Variants in BAG6 observed in about 807,000 individuals in gnomAD.
BAG6 encodes the protein BAG cochaperone 6.
Under a neutral mutation model 121.0 loss-of-function variants are expected in BAG6, and 22 were observed. The ratio of observed to expected loss-of-function variants is 0.18; its 90% CI spans 0.13 to 0.26. The LOEUF is 0.26. BAG6 is among the 10% of genes least tolerant of loss of function. The probability of loss-of-function intolerance (pLI) is 1.00; values close to 1 mark genes in which losing one functional copy is unlikely to be tolerated. For missense variants in BAG6, 1,233 were observed against 1,537.7 expected (o/e 0.80, Z 3.31); for synonymous variants, 583 against 584.6 (o/e 1.00, Z 0.04).
At chr6:31,645,703 C>T in intron 8 of BAG6, 99 bp from the exon 9 acceptor site, 1 of 1,424,644 alleles carries the variant, frequency 7.0e-7, no homozygotes, top group Non-Finnish European at 9.6e-7. Context: ...ACCATGTCCT[C>T]CAAAACTTTC....
At position 31,639,049 on chromosome 6, in the gene BAG6, A is replaced by AATCCG; in HGVS notation, c.*77_*81dup. On this transcript the variant is annotated 3_prime_UTR_variant, in exon 26 of 26. Transcript: ENST00000676615. ...AATGTAGAGAGAAAGCAGCCAGAAA[A>AATCCG]ATCCGACTTTTATTTCTTAAATACT... 8.2e-7 allele frequency: 1 copy of AATCCG among 1,220,218 alleles called. No homozygotes were observed. The highest frequency in any genetic ancestry group is 1.5e-5 in the African/African-American group (1 of 64,926). 75.6% of individuals were successfully genotyped at this position (1,220,218 alleles called of 1,614,324 possible).
chr6:31,639,257 ACGC>A (rs1779688808), intron 25 of BAG6, 31 bp from the exon 26 acceptor site: 1 of 1,594,006 alleles, frequency 6.3e-7, no homozygotes, highest in African/African-American at 1.3e-5. Context: ...GGTTGGAGAA[ACGC>A]TGGCCAAGTC....
At chr6:31,642,515 TAC>T in intron 15 of BAG6, 112 bp from the exon 16 acceptor site, 2 of 647,718 alleles carry the variant, frequency 3.1e-6, no homozygotes, top group South Asian at 3.8e-5. Flanking sequence ...GATGGGGAGT[TAC>T]ATTCTGATCT....
At chr6:31,639,994 G>A (rs1175857447) in intron 24 of BAG6, among the ~76,000 whole-genome samples, 1 of 152,170 alleles carries the variant, frequency 6.6e-6, no homozygotes, top group East Asian at 1.9e-4. Context: ...ACTAATACAG[G>A]ACTGCTAGCA....
intron 6 of BAG6, 98 bp from the exon 7 acceptor site, chr6:31,647,924 C>A (rs1791646549): frequency 2.1e-6 from 3 of 1,401,354 alleles, no homozygotes; most frequent in South Asian, 1.8e-5. Flanking sequence ...CCTAACTAGA[C>A]TCCCTGAAGG....
At chr6:31,646,768 T>G (rs13214715) in intron 7 of BAG6, among the ~76,000 whole-genome samples, 13 of 55,696 alleles carry the variant, frequency 2.3e-4, no homozygotes, top group African/African-American at 1.3e-3. Context: ...TAATTTTTGT[T>G]TTTTTTTTTT....
At chr6:31,649,664 G>A (rs1167658845) in intron 2 of BAG6, 37 bp from the exon 3 acceptor site, 4 of 1,564,564 alleles carry the variant, frequency 2.6e-6, no homozygotes, top group South Asian at 1.1e-5. Flanking sequence ...TGGAAAGAAT[G>A]GAGGAAAGAG....
chr6:31,641,905 G>T lies in BAG6; in HGVS notation c.2376C>A (p.Phe792Leu). ...GAAGCATCACTACGTCCACCATAGA[G>T]AAGTTCTGGCACAGAAGAGAAAGCA... The part of the protein sequence containing the change: ...GALLSLLCQN[F>L]SMVDVVMLLH... Residue 792 changes from phenylalanine (F) to leucine (L), a missense_variant, in exon 17 of 26, where the codon TTC becomes TTA. Physicochemically the swap from Phe to Leu is conservative, Grantham distance 22. Transcript: ENST00000676615. The surrounding 1 kb of genome is among the most constrained non-coding windows in gnomAD (Gnocchi z 5.7). 15 of 1,613,012 alleles carry T rather than the reference G, an allele frequency of 9.3e-6. No homozygotes were observed. The highest frequency in any genetic ancestry group is 1.2e-5 in the Non-Finnish European group (14 of 1,180,020).
chr6:31,648,041 A>C (rs1214175585), intron 6 of BAG6, among the ~76,000 whole-genome samples: 2 of 149,210 alleles, frequency 1.3e-5, no homozygotes, highest in Non-Finnish European at 3.0e-5. Context: ...TTTGAGACAG[A>C]GTCTCGCTCT....
intron 6 of BAG6, among the ~76,000 whole-genome samples, chr6:31,648,391 T>C (rs79972992): frequency 7.2e-6 from 1 of 138,998 alleles, no homozygotes; most frequent in African/African-American, 3.0e-5. Flanking sequence ...CACAAGTTGG[T>C]TTCCCAGCCT....
At chr6:31,645,698 G>C (rs1319092956) in intron 8 of BAG6, 94 bp from the exon 9 acceptor site, 10 of 1,456,726 alleles carry the variant, frequency 6.9e-6, no homozygotes, top group Non-Finnish European at 9.4e-6. Context: ...AGAATACCAT[G>C]TCCTCCAAAA....
chr6:31,645,385 G>C (rs1028911106), intron 9 of BAG6, 22 bp downstream of exon 9: 2 of 1,612,826 alleles, frequency 1.2e-6, no homozygotes, highest in African/African-American at 1.3e-5. Context: ...CTCTCCCTCA[G>C]GCCAGACTCC....
At position 31,641,578 on chromosome 6, in the gene BAG6, T is replaced by A; in HGVS notation, c.2520A>T (p.Thr840=). 6.2e-7 allele frequency: 1 copy of A among 1,613,998 alleles called. No homozygotes were observed. Among genetic ancestry groups the A allele is most frequent in the Admixed American group, 1.7e-5 (1 of 60,004 alleles). Residue 840 remains threonine (T), a synonymous_variant, in exon 18 of 26, where the codon ACA becomes ACT. Coordinates refer to ENST00000676615, the MANE Select transcript of BAG6 (RefSeq NM_001387994.1). This position sits in a 1 kb window ranked among gnomAD's most constrained non-coding sequence, Gnocchi z 5.7. The part of the protein sequence containing the change: ...TPSNIRMATH[T]LITGLEEYVR... ...CATACTCTTCTAGCCCCGTGATCAATGTGTGGGTTGCCATCTGTGGAGGAA... is the reference window on the plus strand; with the variant it reads ...CATACTCTTCTAGCCCCGTGATCAAAGTGTGGGTTGCCATCTGTGGAGGAA...
chr6:31,648,246 C>T (rs138001096), intron 6 of BAG6, among the ~76,000 whole-genome samples: 2,046 of 152,250 alleles, frequency 0.013, 89 homozygotes, highest in Admixed American at 0.09. Flanking sequence ...GAACTCCTGA[C>T]CACACGTTAT....
At chr6:31,639,316 A>G (rs1561866807) in intron 25 of BAG6, 90 bp from the exon 26 acceptor site, 1 of 1,465,696 alleles carries the variant, frequency 6.8e-7, no homozygotes, top group Non-Finnish European at 9.4e-7. Flanking sequence ...AGAAGCTAAC[A>G]TTTCCCCCCC....
intron 25 of BAG6, 31 bp downstream of exon 25, chr6:31,639,469 A>G: frequency 6.2e-7 from 1 of 1,600,470 alleles, no homozygotes; most frequent in Non-Finnish European, 8.5e-7. Flanking sequence ...CCCTCCCACT[A>G]GACCATCCCT....
chr6:31,649,111 A>T, intron 4 of BAG6, 88 bp downstream of exon 4: 1 of 1,558,610 alleles, frequency 6.4e-7, no homozygotes, highest in Non-Finnish European at 8.8e-7. Flanking sequence ...CCCAATCTAA[A>T]GATGGAAGCA....
At chr6:31,650,588 C>A (rs1458258644) in intron 2 of BAG6, among the ~76,000 whole-genome samples, 1 of 151,288 alleles carries the variant, frequency 6.6e-6, no homozygotes, top group Non-Finnish European at 1.5e-5. Context: ...TTGCTTGAAC[C>A]CAGGAGGCAG....
intron 2 of BAG6, 127 bp from the exon 3 acceptor site, chr6:31,649,754 G>T: frequency 1.3e-6 from 1 of 775,712 alleles, no homozygotes; most frequent in Non-Finnish European, 2.2e-6. Context: ...TGTCTTGACC[G>T]TGAGATCATT....
Sources: gnomAD v4.1 joint callset for allele counts (sites outside exome capture counted in the v4.1 genomes callset) on GRCh38, gnomAD v4.1.1 for gene constraint, Gnocchi (gnomAD v3.1) non-coding constraint, MANE v1.5 for transcripts, NCBI Gene and HGNC (gene_info 2026-07-23, HGNC 2026-07-21) for gene names.